Variants in FTO observed in about 807,000 individuals in gnomAD.
FTO encodes the protein alpha-ketoglutarate-dependent dioxygenase FTO.
Under a neutral mutation model 63.9 loss-of-function variants are expected in FTO, and 47 were observed. The observed-to-expected ratio is 0.74, with a 90% CI of 0.58 to 0.94. The LOEUF is 0.94. FTO is among the 40% of genes least tolerant of loss of function. The pLI is 0.00. For missense variants in FTO, 562 were observed against 618.1 expected, an observed-to-expected ratio of 0.91 and a Z score of 0.96; for synonymous variants, 207 against 224.4, an observed-to-expected ratio of 0.92 and a Z score of 0.69.
At chr16:53,938,320 G>C (rs765178522) in intron 8 of FTO, among the ~76,000 whole-genome samples, 13 of 152,196 alleles carry the variant, frequency 8.5e-5, no homozygotes, top group Non-Finnish European at 1.8e-4. Flanking sequence ...TCATGGTGAT[G>C]CTAATTATTG....
At chr16:53,877,808 A>G (rs1419972461) in intron 5 of FTO, among the ~76,000 whole-genome samples, 2 of 151,906 alleles carry the variant, frequency 1.3e-5, no homozygotes, top group Admixed American at 1.3e-4. Flanking sequence ...ATCCAGAAAA[A>G]AATTATTCCA....
At chr16:53,887,968 T>C (rs1023692048) in intron 6 of FTO, 1 of 152,158 alleles carries the variant, frequency 6.6e-6, no homozygotes, top group Non-Finnish European at 1.5e-5. Context: ...TAATATTTCC[T>C]AATATATATT....
At chr16:53,985,378 C>T (rs1450047864) in intron 8 of FTO, among the ~76,000 whole-genome samples, 3 of 152,122 alleles carry the variant, frequency 2.0e-5, no homozygotes, top group East Asian at 1.9e-4. Context: ...CTCAGATACC[C>T]GCATTATTAT....
chr16:53,823,668 T>C (rs368829091), intron 2 of FTO, among the ~76,000 whole-genome samples: 2 of 152,294 alleles, frequency 1.3e-5, no homozygotes, highest in African/African-American at 4.8e-5. Context: ...AATCCAGAAA[T>C]CTGGAATGTA....
chr16:54,083,319 C>T (rs568619701), intron 8 of FTO, among the ~76,000 whole-genome samples: 6 of 152,244 alleles, frequency 3.9e-5, no homozygotes, highest in South Asian at 4.2e-4. Context: ...GCAACACGCC[C>T]GCTGTTTAAG....
chr16:53,950,287 T>C (rs1302801064), intron 8 of FTO, among the ~76,000 whole-genome samples: 1 of 152,118 alleles, frequency 6.6e-6, no homozygotes, highest in East Asian at 1.9e-4. Context: ...CTGGAGCTTT[T>C]GTCTTCAAGC....
Position 53,861,372 on chromosome 16 carries a change from C to T in FTO, c.896-12414C>T, listed in dbSNP as rs532017569. ...TGTTCCAATTTACAAATATTTTTGC[C>T]GATTTGATGGGTGAAAATATGCTAT... On this transcript the variant is annotated intron_variant, in intron 4 of 8. Coordinates refer to ENST00000471389, the MANE Select transcript of FTO (RefSeq NM_001080432.3). Among the ~76,000 whole-genome samples, 128 of 152,112 alleles carry T rather than the reference C, an allele frequency of 8.4e-4. 1 individual carries two copies. Among genetic ancestry groups the T allele is most frequent in the South Asian group, 6.0e-3 (29 of 4,816 alleles).
chr16:53,842,650 A>C (rs1477641795), intron 3 of FTO, among the ~76,000 whole-genome samples: 3 of 152,074 alleles, frequency 2.0e-5, no homozygotes, highest in African/African-American at 7.2e-5. Context: ...TCCTTCCAGA[A>C]ATACTATATG....
At chr16:54,020,849 G>C (rs562416142) in intron 8 of FTO, among the ~76,000 whole-genome samples, 1 of 152,158 alleles carries the variant, frequency 6.6e-6, no homozygotes, top group Non-Finnish European at 1.5e-5. Flanking sequence ...GCACATGCCT[G>C]TAATCCCAGC....
chr16:54,102,993 A>C (rs1275944657), intron 8 of FTO, among the ~76,000 whole-genome samples: 1 of 152,028 alleles, frequency 6.6e-6, no homozygotes, highest in East Asian at 1.9e-4. Flanking sequence ...TCTCTACAAA[A>C]AACAAAAACA....
intron 2 of FTO, among the ~76,000 whole-genome samples, chr16:53,813,401 G>T (rs1397103815): frequency 6.6e-6 from 1 of 151,780 alleles, no homozygotes; most frequent in African/African-American, 2.4e-5. Context: ...TAGTAGAGAT[G>T]GGGTTTCACC....
At chr16:54,061,115 C>G (rs1285598705) in intron 8 of FTO, among the ~76,000 whole-genome samples, 1 of 152,166 alleles carries the variant, frequency 6.6e-6, no homozygotes, top group African/African-American at 2.4e-5. Context: ...CATTCCCAGC[C>G]TGGGTGGGGT....
intron 1 of FTO, among the ~76,000 whole-genome samples, chr16:53,729,653 C>T (rs60307234): frequency 0.06 from 9,146 of 151,982 alleles, 388 homozygotes; most frequent in East Asian, 0.24. Context: ...CTGGTAACCA[C>T]GCCCCCAACC....
intron 8 of FTO, among the ~76,000 whole-genome samples, chr16:54,075,955 A>G (rs967573541): frequency 6.6e-6 from 1 of 152,142 alleles, no homozygotes; most frequent in Non-Finnish European, 1.5e-5. Flanking sequence ...AATCCCATGA[A>G]TCTGTCACTA....
intron 8 of FTO, among the ~76,000 whole-genome samples, chr16:53,980,233 T>C (rs529613579): frequency 3.3e-5 from 5 of 152,338 alleles, no homozygotes; most frequent in Non-Finnish European, 7.3e-5. Context: ...CTCACACTCT[T>C]CTAGCTTGAT....
chr16:53,970,140 C>T (rs1366914474), intron 8 of FTO, among the ~76,000 whole-genome samples: 1 of 152,130 alleles, frequency 6.6e-6, no homozygotes, highest in Non-Finnish European at 1.5e-5. Flanking sequence ...TTCTGGTGAC[C>T]TAACAAACCA....
intron 8 of FTO, among the ~76,000 whole-genome samples, chr16:54,003,231 G>C (rs1380808496): frequency 6.6e-6 from 1 of 152,170 alleles, no homozygotes; most frequent in Non-Finnish European, 1.5e-5. Context: ...GATGCCAAGG[G>C]GCAGAAATTT....
intron 8 of FTO, among the ~76,000 whole-genome samples, chr16:53,964,018 G>T (rs1474341991): frequency 1.3e-5 from 2 of 152,186 alleles, no homozygotes; most frequent in Non-Finnish European, 2.9e-5. Flanking sequence ...CTCCCAAAGT[G>T]CTGGGATTAC....
intron 1 of FTO, among the ~76,000 whole-genome samples, chr16:53,753,933 C>G (rs543275633): frequency 6.6e-6 from 1 of 152,342 alleles, no homozygotes; most frequent in African/African-American, 2.4e-5. Context: ...GCAGCTCCCA[C>G]TGCACTTTTT....
Sources: allele counts gnomAD v4.1 joint callset (sites outside exome capture counted in the v4.1 genomes callset), GRCh38; gene constraint gnomAD v4.1.1; transcripts MANE v1.5; gene names NCBI Gene and HGNC (gene_info 2026-07-23, HGNC 2026-07-21).